SRSF11: variants seen among roughly 807,000 people sequenced by gnomAD.
The protein encoded by SRSF11 is serine/arginine-rich splicing factor 11.
Under a neutral mutation model 56.0 loss-of-function variants are expected in SRSF11, and 9 were observed. The observed-to-expected ratio is 0.16, with a 90% CI of 0.10 to 0.28. SRSF11 has a LOEUF of 0.28. Among genes scored for constraint, SRSF11 ranks in the 10% least tolerant of loss-of-function variants. SRSF11 has a pLI of 1.00. For synonymous variants in SRSF11, 222 were observed against 215.3 expected (o/e 1.03, Z -0.27); for missense variants, 421 against 600.7 (o/e 0.70, Z 3.13).
intron 7 of SRSF11, among the ~76,000 whole-genome samples, chr1:70,240,304 A>AT (rs1675051871): frequency 2.0e-5 from 3 of 152,140 alleles, no homozygotes; most frequent in Non-Finnish European, 2.9e-5. Flanking sequence ...AAGTGGCATT[A>AT]TTTTTTTCTT....
rs1472835960 is a variant in SRSF11 at position 70,250,403 on chromosome 1, G to A, written c.1157G>A (p.Arg386Lys). The A allele has an allele frequency of 6.2e-7, 1 of 1,602,512 alleles. No homozygotes were observed. The highest frequency in any genetic ancestry group is 8.5e-7 in the Non-Finnish European group (1 of 1,169,716). Residue 386 changes from arginine to lysine, a missense_variant, in exon 11 of 12, where the codon AGA becomes AAA. Transcript: ENST00000370949. ...AAGAAGAAAGATAAAGACAAAGAAA[G>A]AAGTAGGGATGAAAGAGAACGATCA... ...KEKKKDKDKE[R>K]SRDERERSTS...
intron 1 of SRSF11, among the ~76,000 whole-genome samples, chr1:70,212,353 T>A (rs935692254): frequency 3.3e-5 from 5 of 151,970 alleles, no homozygotes; most frequent in African/African-American, 1.2e-4. Flanking sequence ...ACCTCCTGGG[T>A]TCAAGCGATT....
At chr1:70,219,551 A>G (rs1265546909), upstream of SRSF11, among the ~76,000 whole-genome samples, 2 of 152,234 alleles carry the variant, frequency 1.3e-5, no homozygotes, top group African/African-American at 4.8e-5. Context: ...CATGGAACCC[A>G]TGGATACAGA....
chr1:70,233,826 G>T (rs1288874518), intron 3 of SRSF11, among the ~76,000 whole-genome samples: 1 of 152,144 alleles, frequency 6.6e-6, no homozygotes, highest in Non-Finnish European at 1.5e-5. Context: ...TTGGTGTCAA[G>T]CAGGTGGCAG....
intron 1 of SRSF11, among the ~76,000 whole-genome samples, chr1:70,225,105 A>G (rs1189669561): frequency 6.6e-6 from 1 of 152,180 alleles, no homozygotes; most frequent in Non-Finnish European, 1.5e-5. Flanking sequence ...AGTAACTTGT[A>G]AGATCTTCAC....
chr1:70,218,318 TTTG>T (rs913058360), upstream of SRSF11, among the ~76,000 whole-genome samples: 27 of 152,334 alleles, frequency 1.8e-4, no homozygotes, highest in African/African-American at 5.8e-4. Flanking sequence ...TCAGTAATTT[TTTG>T]TTGTTGTTGT....
At chr1:70,228,115 G>A (rs1487605794) in intron 1 of SRSF11, among the ~76,000 whole-genome samples, 2 of 152,086 alleles carry the variant, frequency 1.3e-5, no homozygotes, top group Non-Finnish European at 2.9e-5. Flanking sequence ...GCTGGTATTG[G>A]TATTATAAAG....
chr1:70,221,549 C>T lies in SRSF11; in HGVS notation c.-88C>T. On this transcript the variant is annotated 5_prime_UTR_variant, in exon 1 of 12. Transcript: ENST00000370949. ...TGTAGCATCGGACACCCTCCTCTCT[C>T]CCGCAATCCGGTTCCTCTTCCCCCT... The T allele has an allele frequency of 6.6e-7, 1 of 1,506,788 alleles. No individual in the cohort carries two copies. The highest frequency in any genetic ancestry group is 8.9e-7 in the Non-Finnish European group (1 of 1,121,450). The allele number at this position is 1,506,788 out of a possible 1,614,324, so 93.3% of individuals were successfully genotyped here. A position where few individuals can be genotyped will look rare whatever the true frequency, so the allele number is the denominator to read the frequency against.
At chr1:70,220,513 G>C (rs754129812), upstream of SRSF11, among the ~76,000 whole-genome samples, 68 of 152,172 alleles carry the variant, frequency 4.5e-4, no homozygotes, top group Non-Finnish European at 1.3e-4. Flanking sequence ...ATATATACTT[G>C]AATATATTTA....
At chr1:70,249,081 A>G (rs1159625696) in intron 9 of SRSF11, 1 of 152,098 alleles carries the variant, frequency 6.6e-6, no homozygotes, top group East Asian at 1.9e-4. Context: ...AAGTTACAGT[A>G]AAAAGGAGGG....
intron 1 of SRSF11, 78 bp from the exon 2 acceptor site, chr1:70,228,344 A>T: frequency 9.0e-7 from 1 of 1,109,148 alleles, no homozygotes; most frequent in Non-Finnish European, 1.3e-6. Flanking sequence ...TTTACTTTTG[A>T]AATGTGTTGG....
chr1:70,207,276 A>C (rs1305931323), intron 1 of SRSF11, among the ~76,000 whole-genome samples: 1 of 152,138 alleles, frequency 6.6e-6, no homozygotes, highest in Non-Finnish European at 1.5e-5. Flanking sequence ...AGTAATGGTA[A>C]TAGCTGCCTT....
At chr1:70,246,972 G>A (rs909935872) in intron 9 of SRSF11, 65 bp downstream of exon 9, 90 of 1,339,196 alleles carry the variant, frequency 6.7e-5, no homozygotes, top group Non-Finnish European at 8.6e-5. Context: ...GTATCAGTAC[G>A]CTGTCAGTAT....
upstream of SRSF11, chr1:70,205,699 A>G: frequency 4.6e-6 from 3 of 647,082 alleles, no homozygotes; most frequent in Non-Finnish European, 4.9e-6. Flanking sequence ...AGATGTCGTC[A>G]GCACCAGCGC....
intron 1 of SRSF11, among the ~76,000 whole-genome samples, chr1:70,212,006 A>G (rs1245804051): frequency 2.0e-5 from 3 of 152,178 alleles, no homozygotes; most frequent in African/African-American, 7.2e-5. Context: ...AGTGCTTTAG[A>G]CTTCAGCCTG....
chr1:70,242,620 C>T (rs190338445), intron 7 of SRSF11, among the ~76,000 whole-genome samples: 66 of 152,176 alleles, frequency 4.3e-4, no homozygotes, highest in African/African-American at 1.5e-3. Flanking sequence ...TAGTATCAAG[C>T]ATCACATAGT....
At chr1:70,219,308 C>A (rs1402097337), upstream of SRSF11, among the ~76,000 whole-genome samples, 1 of 151,936 alleles carries the variant, frequency 6.6e-6, no homozygotes, top group African/African-American at 2.4e-5. Context: ...ATACCAGGAC[C>A]CCAGAGGATA....
chr1:70,225,777 A>T (rs1671643901), intron 1 of SRSF11, among the ~76,000 whole-genome samples: 1 of 152,224 alleles, frequency 6.6e-6, no homozygotes, highest in Admixed American at 6.5e-5. Flanking sequence ...ACTTTACCCT[A>T]TCTTGTTCCT....
intron 7 of SRSF11, 68 bp from the exon 8 acceptor site, chr1:70,244,616 T>C: frequency 2.6e-6 from 4 of 1,540,676 alleles, no homozygotes; most frequent in Non-Finnish European, 3.5e-6. Flanking sequence ...TTTTGTCTGA[T>C]ACTAAGCACA....
Sources: allele counts gnomAD v4.1 joint callset (sites outside exome capture counted in the v4.1 genomes callset), GRCh38; gene constraint gnomAD v4.1.1; transcripts MANE v1.5; gene names NCBI Gene and HGNC (gene_info 2026-07-23, HGNC 2026-07-21).